FGF1: variants seen among roughly 807,000 people sequenced by gnomAD.
The protein encoded by FGF1 is fibroblast growth factor 1, also known as beta-endothelial cell growth factor.
In FGF1, 9 loss-of-function variants were observed where a neutral mutation model predicts 13.4. That is an observed-to-expected ratio of 0.67 (90% CI 0.40 to 1.17). The LOEUF (loss-of-function observed/expected upper bound fraction) is 1.17. Ranked by LOEUF, FGF1 falls within the 50% of genes most tolerant of loss-of-function variation. The pLI is 0.01. For missense variants in FGF1, 156 were observed against 192.7 expected, an observed-to-expected ratio of 0.81 and a Z score of 1.13; for synonymous variants, 93 against 79.0, an observed-to-expected ratio of 1.18 and a Z score of -0.94.
intron 2 of FGF1, among the ~76,000 whole-genome samples, chr5:142,602,975 A>G (rs1345937687): frequency 6.6e-6 from 1 of 152,140 alleles, no homozygotes; most frequent in African/African-American, 2.4e-5. Flanking sequence ...TCTTTGCTAT[A>G]GAGACTCAGG....
intron 1 of FGF1, among the ~76,000 whole-genome samples, chr5:142,628,948 C>T (rs113730782): frequency 0.01 from 1,557 of 152,128 alleles, 29 homozygotes; most frequent in African/African-American, 0.036. Flanking sequence ...GTTCAGTGGG[C>T]TCTTATGAAG....
At chr5:142,672,103 T>C (rs1001682605) in intron 1 of FGF1, 3 of 152,190 alleles carry the variant, frequency 2.0e-5, no homozygotes, top group African/African-American at 7.2e-5. Flanking sequence ...TTTTTTGCTA[T>C]GCACACACAT....
intron 3 of FGF1, among the ~76,000 whole-genome samples, chr5:142,597,027 A>G (rs1330863163): frequency 1.3e-5 from 2 of 152,232 alleles, no homozygotes; most frequent in African/African-American, 4.8e-5. Context: ...AGAAAAATGC[A>G]AATTAAAAAT....
intron 1 of FGF1, among the ~76,000 whole-genome samples, chr5:142,651,434 A>G (rs760757356): frequency 9.9e-5 from 15 of 152,160 alleles, no homozygotes; most frequent in Non-Finnish European, 2.1e-4. Context: ...ACCCCTAAAC[A>G]GCACTCCCCA....
intron 1 of FGF1, among the ~76,000 whole-genome samples, chr5:142,615,310 C>T (rs945383535): frequency 2.6e-5 from 4 of 152,024 alleles, no homozygotes; most frequent in South Asian, 4.1e-4. Flanking sequence ...CTTGGCCTCC[C>T]GGGTCCCAGT....
intron 2 of FGF1, among the ~76,000 whole-genome samples, chr5:142,610,594 C>A (rs761680956): frequency 1.3e-4 from 20 of 152,314 alleles, no homozygotes; most frequent in Non-Finnish European, 2.6e-4. Context: ...AACCTTCTCA[C>A]AAACTGTGCC....
intron 1 of FGF1, chr5:142,680,167 A>G (rs923343945): frequency 6.6e-6 from 1 of 152,218 alleles, no homozygotes; most frequent in Non-Finnish European, 1.5e-5. Context: ...ATAAGGTTGC[A>G]TTCTCGGGCA....
chr5:142,652,768 C>A (rs1298531623), intron 1 of FGF1, among the ~76,000 whole-genome samples: 3 of 152,222 alleles, frequency 2.0e-5, no homozygotes, highest in Non-Finnish European at 2.9e-5. Context: ...GTGGCCGCAG[C>A]CCTTCCTCAT....
At chr5:142,612,047 C>G (rs1363073979) in intron 2 of FGF1, among the ~76,000 whole-genome samples, 1 of 152,158 alleles carries the variant, frequency 6.6e-6, no homozygotes, top group Non-Finnish European at 1.5e-5. Context: ...TCTTTTTGTA[C>G]AAATGAGAAA....
In FGF1 at chr5:142,630,105, G is replaced by C. The variant is rs192589646; in HGVS notation, c.-34-15944C>G. ...GACGGGGTCTCACCATGTTAGCCAG[G>C]ATGGTCTCGATCTCCTGATCTCGTG... On this transcript the variant is annotated intron_variant, in intron 1 of 3. Transcript: ENST00000337706. Among the ~76,000 whole-genome samples, 55 of 152,058 alleles carry C rather than the reference G, an allele frequency of 3.6e-4. 1 individual carries two copies. Among genetic ancestry groups the C allele is most frequent in the African/African-American group, 1.2e-3 (51 of 41,492 alleles).
At chr5:142,643,296 TAC>T (rs57043408) in intron 1 of FGF1, among the ~76,000 whole-genome samples, 27,643 of 149,280 alleles carry the variant, frequency 0.19, 2,627 homozygotes, top group African/African-American at 0.21. Flanking sequence ...GACTACAAAT[TAC>T]ACACACACAC....
At chr5:142,663,955 T>C (rs924811726) in intron 1 of FGF1, among the ~76,000 whole-genome samples, 1 of 151,978 alleles carries the variant, frequency 6.6e-6, no homozygotes, top group Non-Finnish European at 1.5e-5. Context: ...AAATCACAAG[T>C]GGAGCTCGGG....
intron 2 of FGF1, among the ~76,000 whole-genome samples, chr5:142,603,687 C>T (rs1271885014): frequency 6.6e-6 from 1 of 152,146 alleles, no homozygotes; most frequent in African/African-American, 2.4e-5. Flanking sequence ...AAGCTGTGCA[C>T]TTTGAATTAT....
chr5:142,625,069 G>C (rs1762232975), intron 1 of FGF1, among the ~76,000 whole-genome samples: 1 of 152,124 alleles, frequency 6.6e-6, no homozygotes, highest in African/African-American at 2.4e-5. Context: ...AACATATCTA[G>C]CCCAAGGCTT....
In FGF1 at chr5:142,592,571, G is replaced by A. The variant is rs1009407702; in HGVS notation, c.*2719C>T. The A allele has an allele frequency of 7.6e-6, 3 of 396,924 alleles. No individual in the cohort carries two copies. Among genetic ancestry groups the A allele is most frequent in the Non-Finnish European group, 1.3e-5 (3 of 225,436 alleles). The allele number at this position is 396,924 out of a possible 1,614,324, so 24.6% of individuals were successfully genotyped here. On this transcript the variant is annotated 3_prime_UTR_variant, in exon 4 of 4. Coordinates refer to ENST00000337706, the MANE Select transcript of FGF1 (RefSeq NM_000800.5). ...AATCCATATGAGAGTCACGTGACAG[G>A]AGCTGGCTATGAGACTTACTTAAGA...
At chr5:142,659,927 C>T (rs1768899790) in intron 1 of FGF1, among the ~76,000 whole-genome samples, 1 of 152,204 alleles carries the variant, frequency 6.6e-6, no homozygotes, top group African/African-American at 2.4e-5. Context: ...ATCAGAAGCT[C>T]TTTGACTCCA....
intron 1 of FGF1, among the ~76,000 whole-genome samples, chr5:142,667,894 T>C (rs2152020093): frequency 6.6e-6 from 1 of 152,322 alleles, no homozygotes; most frequent in Non-Finnish European, 1.5e-5. Flanking sequence ...TTTCTCAACC[T>C]TCCCATCCTG....
At chr5:142,659,878 C>A (rs543276735) in intron 1 of FGF1, among the ~76,000 whole-genome samples, 69 of 152,200 alleles carry the variant, frequency 4.5e-4, no homozygotes, top group Non-Finnish European at 8.8e-4. Flanking sequence ...GCCCTTTGGT[C>A]TGTTTCTCTA....
intron 2 of FGF1, among the ~76,000 whole-genome samples, chr5:142,693,207 G>C (rs1032169183): frequency 6.6e-6 from 1 of 152,120 alleles, no homozygotes; most frequent in Non-Finnish European, 1.5e-5. Context: ...GAGCTTACAG[G>C]GTGAGATCAC....
Sources: allele counts gnomAD v4.1 joint callset (sites outside exome capture counted in the v4.1 genomes callset), GRCh38; gene constraint gnomAD v4.1.1; transcripts MANE v1.5; gene names NCBI Gene and HGNC (gene_info 2026-07-23, HGNC 2026-07-21).